The following PPM1L variants were observed in gnomAD, a reference collection of about 807,000 sequenced individuals.
PPM1L encodes the protein protein phosphatase 1L.
A neutral mutation model predicts 31.4 loss-of-function variants in PPM1L; 13 were observed. The ratio of observed to expected loss-of-function variants is 0.41; its 90% CI spans 0.27 to 0.66. PPM1L has a LOEUF of 0.66. PPM1L is among the 30% of genes least tolerant of loss of function. The pLI is 0.29. For missense variants in PPM1L, 326 were observed against 453.7 expected, an observed-to-expected ratio of 0.72 and a Z score of 2.56; for synonymous variants, 184 against 175.4, an observed-to-expected ratio of 1.05 and a Z score of -0.39.
At chr3:160,939,509 C>T (rs935500) in intron 1 of PPM1L, 123,043 of 152,224 alleles carry the variant, frequency 0.81, 50,492 homozygotes, top group Middle Eastern at 0.91. Flanking sequence ...CCACGTGTTG[C>T]GGAAGGGTCC....
At chr3:160,999,188 A>G (rs1269940040) in intron 2 of PPM1L, among the ~76,000 whole-genome samples, 2 of 152,160 alleles carry the variant, frequency 1.3e-5, no homozygotes, top group Non-Finnish European at 2.9e-5. Context: ...CAACCACCCT[A>G]TAAAGAAGGA....
At chr3:160,998,170 A>AT (rs1717382303) in intron 2 of PPM1L, among the ~76,000 whole-genome samples, 1 of 152,274 alleles carries the variant, frequency 6.6e-6, no homozygotes, top group South Asian at 2.1e-4. Flanking sequence ...CCACATTCCA[A>AT]TTTTCACATT....
At chr3:161,031,944 G>A (rs1718578099) in intron 2 of PPM1L, among the ~76,000 whole-genome samples, 1 of 152,168 alleles carries the variant, frequency 6.6e-6, no homozygotes, top group South Asian at 2.1e-4. Context: ...GTTCATAGTA[G>A]CATCTTCCTC....
Position 160,833,813 on chromosome 3 carries a change from A to G in PPM1L, c.399+77106A>G, listed in dbSNP as rs552976185. ...ATTTGTCAATTTTTTTTTTGTTGCA[A>G]TTGCTTTTGGTGATTTTGTCTTGAA... is the stretch of plus-strand genomic sequence containing the variant. On this transcript the variant is annotated intron_variant, in intron 1 of 3. Coordinates refer to ENST00000498165, the MANE Select transcript of PPM1L (RefSeq NM_139245.4). 2.6e-5 allele frequency among the ~76,000 whole-genome samples: 4 copies of G among 151,588 alleles called. No individual in the cohort carries two copies. The East Asian group carries it at 5.8e-4, about 22-fold the overall frequency.
At chr3:160,933,202 A>G (rs1714842601) in intron 1 of PPM1L, among the ~76,000 whole-genome samples, 1 of 152,296 alleles carries the variant, frequency 6.6e-6, no homozygotes, top group East Asian at 1.9e-4. Context: ...ACTGAGTATT[A>G]GCTGTTTGTT....
chr3:160,899,268 C>T (rs1023197920), intron 1 of PPM1L, among the ~76,000 whole-genome samples: 2 of 152,048 alleles, frequency 1.3e-5, no homozygotes, highest in South Asian at 2.1e-4. Flanking sequence ...AGTGCTGTGC[C>T]CTGAGGTGAT....
chr3:160,995,533 C>T (rs1368178902), intron 2 of PPM1L, among the ~76,000 whole-genome samples: 1 of 152,128 alleles, frequency 6.6e-6, no homozygotes, highest in Non-Finnish European at 1.5e-5. Flanking sequence ...GTTGGCCAAG[C>T]TGGTCTCGAA....
intron 2 of PPM1L, among the ~76,000 whole-genome samples, chr3:160,970,715 C>T (rs182354662): frequency 2.3e-3 from 350 of 151,906 alleles, no homozygotes; most frequent in African/African-American, 8.2e-3. Context: ...ACCTTAGCCT[C>T]CCAAAGTGCT....
At chr3:160,798,568 T>G (rs1396354698) in intron 1 of PPM1L, among the ~76,000 whole-genome samples, 1 of 152,224 alleles carries the variant, frequency 6.6e-6, no homozygotes, top group African/African-American at 2.4e-5. Context: ...GTTTACTGCA[T>G]ATTTTAAGCT....
At chr3:161,052,635 A>G (rs1380581134) in intron 2 of PPM1L, among the ~76,000 whole-genome samples, 1 of 152,210 alleles carries the variant, frequency 6.6e-6, no homozygotes, top group Admixed American at 6.5e-5. Context: ...TATACATGCA[A>G]GGGGATGGGA....
rs765895705 is a variant in PPM1L at position 160,919,850 on chromosome 3, A to T, written c.400-41886A>T. On this transcript the variant is annotated intron_variant, in intron 1 of 3. Coordinates refer to ENST00000498165, the MANE Select transcript of PPM1L (RefSeq NM_139245.4). ...TTGCTCTGTGAAACCTGGGCTCAAT[A>T]AAACATTTTGTTTTCTTTTTATTAC... Among the ~76,000 whole-genome samples the T allele has an allele frequency of 1.3e-5, 2 of 152,192 alleles. 1 individual carries two copies. Among genetic ancestry groups the T allele is most frequent in the South Asian group, 4.1e-4 (2 of 4,820 alleles).
At chr3:160,945,206 C>T (rs1157501920) in intron 1 of PPM1L, among the ~76,000 whole-genome samples, 1 of 150,570 alleles carries the variant, frequency 6.6e-6, no homozygotes, top group Admixed American at 6.7e-5. Flanking sequence ...GTTTGGCACA[C>T]ATTTTCTGTA....
chr3:160,835,006 C>T (rs1713651287), intron 1 of PPM1L, among the ~76,000 whole-genome samples: 1 of 145,010 alleles, frequency 6.9e-6, no homozygotes, highest in African/African-American at 2.7e-5. Flanking sequence ...AAACTGACAA[C>T]CTATTACTAC....
intron 1 of PPM1L, among the ~76,000 whole-genome samples, chr3:160,814,002 A>G (rs1182833683): frequency 6.6e-6 from 1 of 152,252 alleles, no homozygotes; most frequent in Non-Finnish European, 1.5e-5. Context: ...TTATAGAGAC[A>G]TAGAAAAGTA....
At chr3:160,980,155 A>C (rs1716746255) in intron 2 of PPM1L, among the ~76,000 whole-genome samples, 1 of 151,940 alleles carries the variant, frequency 6.6e-6, no homozygotes, top group Admixed American at 6.6e-5. Flanking sequence ...TTCTGATGTC[A>C]ATTTCTGTTG....
At chr3:160,986,055 G>C (rs1716954800) in intron 2 of PPM1L, among the ~76,000 whole-genome samples, 1 of 151,592 alleles carries the variant, frequency 6.6e-6, no homozygotes, top group Non-Finnish European at 1.5e-5. Flanking sequence ...GTATTATATA[G>C]TAAAAACTAG....
intron 1 of PPM1L, among the ~76,000 whole-genome samples, chr3:160,824,545 G>A (rs1713301368): frequency 6.6e-6 from 1 of 152,130 alleles, no homozygotes; most frequent in Admixed American, 6.6e-5. Flanking sequence ...TCATTCCGTG[G>A]CCTAAGTCTG....
chr3:161,055,148 A>G (rs1259993543), intron 2 of PPM1L, among the ~76,000 whole-genome samples: 1 of 152,154 alleles, frequency 6.6e-6, no homozygotes, highest in Non-Finnish European at 1.5e-5. Flanking sequence ...GAGAGAAAAG[A>G]AAGATTAAAG....
intron 2 of PPM1L, among the ~76,000 whole-genome samples, chr3:160,965,840 C>T (rs1190729443): frequency 1.3e-5 from 2 of 152,030 alleles, no homozygotes; most frequent in African/African-American, 4.8e-5. Context: ...CTTTAATGCT[C>T]CTTCACTGAT....
Sources: gnomAD v4.1 joint callset for allele counts (sites outside exome capture counted in the v4.1 genomes callset) on GRCh38, gnomAD v4.1.1 for gene constraint, MANE v1.5 for transcripts, NCBI Gene and HGNC (gene_info 2026-07-23, HGNC 2026-07-21) for gene names.